FRY: variants seen among roughly 807,000 people sequenced by gnomAD.
The protein encoded by FRY is FRY microtubule binding protein, also known as protein furry homolog.
A neutral mutation model predicts 348.4 loss-of-function variants in FRY; 128 were observed. The ratio of observed to expected loss-of-function variants is 0.37; its 90% CI spans 0.32 to 0.43. The LOEUF (loss-of-function observed/expected upper bound fraction) is 0.43, where lower values mean the gene tolerates loss of function less well. Ranked by LOEUF, FRY falls within the 20% of genes least tolerant of loss-of-function variation. The pLI, the probability that FRY is intolerant of heterozygous loss-of-function variation, is 1.00. For missense variants in FRY, 2,736 were observed against 3,695.2 expected, an observed-to-expected ratio of 0.74 and a Z score of 6.73; for synonymous variants, 1,370 against 1,374.7, an observed-to-expected ratio of 1.00 and a Z score of 0.08.
chr13:32,121,244 A>G (rs1036610925), intron 4 of FRY, among the ~76,000 whole-genome samples: 2 of 152,224 alleles, frequency 1.3e-5, no homozygotes, highest in African/African-American at 4.8e-5. Flanking sequence ...ATGTGCAAGT[A>G]TCTTTTTCGA....
At chr13:32,034,168 G>A (rs933861202) in intron 1 of FRY, among the ~76,000 whole-genome samples, 18 of 152,212 alleles carry the variant, frequency 1.2e-4, no homozygotes, top group Non-Finnish European at 1.9e-4. Flanking sequence ...CAAAAGTGCA[G>A]TAATTAAAAA....
intron 22 of FRY, among the ~76,000 whole-genome samples, 154 bp from the exon 23 acceptor site, chr13:32,179,503 TTGTGTGTGTGTGTGTGTG>T (rs10628771): frequency 2.2e-5 from 3 of 137,552 alleles, no homozygotes; most frequent in Non-Finnish European, 4.7e-5. Flanking sequence ...TGTATTAAAT[TTGTGTGTGTGTGTGTGTG>T]TGTGTGTGTG....
At position 32,149,729 on chromosome 13, in the gene FRY, G is replaced by C. The variant is rs777353594; in HGVS notation, c.1393-19G>C. Reference sequence around the variant, plus strand: ...TTATATTTTAACACTTTCATTTTGTGTTCTTGTTTTTACTACAGGAACGTT... The same window carrying C: ...TTATATTTTAACACTTTCATTTTGTCTTCTTGTTTTTACTACAGGAACGTT... On this transcript the variant is annotated intron_variant, in intron 13 of 60. Transcript: ENST00000542859. 1.5e-5 allele frequency: 21 copies of C among 1,421,296 alleles called. No individual in the cohort carries two copies. Among genetic ancestry groups the C allele is most frequent in the Non-Finnish European group, 1.6e-5 (16 of 1,004,784 alleles). The allele number at this position is 1,421,296 out of a possible 1,614,324, so 88.0% of individuals were successfully genotyped here.
In FRY at chr13:32,209,125, T is replaced by C. The variant is rs768364918; in HGVS notation, c.4275+16T>C. ...GACGGCCAAGGTAAACTCAGAGGAATTGTGCTTCAAATAGCATGGCTCCAT... is the reference window on the plus strand; with the variant it reads ...GACGGCCAAGGTAAACTCAGAGGAACTGTGCTTCAAATAGCATGGCTCCAT... On this transcript the variant is annotated intron_variant, in intron 32 of 60. Coordinates refer to ENST00000542859, the MANE Select transcript of FRY (RefSeq NM_023037.3). The C allele has an allele frequency of 3.1e-6, 5 of 1,613,782 alleles. No individual in the cohort carries two copies. In the African/African-American group the frequency reaches 4.0e-5, roughly 13 times the overall value.
chr13:32,205,294 A>G lies in FRY; in HGVS notation c.4018+2767A>G, dbSNP rs935840933. Among the ~76,000 whole-genome samples, 16 of 151,876 alleles carry G rather than the reference A, an allele frequency of 1.1e-4. 1 individual carries two copies. The highest frequency in any genetic ancestry group is 1.5e-5 in the Non-Finnish European group (1 of 67,954). Reference sequence around the variant, plus strand: ...TTTAAAAAAGAAAAATGCTCAATGTATTAGACAGTAGCTGAAGGACTAATC... The same window carrying G: ...TTTAAAAAAGAAAAATGCTCAATGTGTTAGACAGTAGCTGAAGGACTAATC... On this transcript the variant is annotated intron_variant, in intron 31 of 60. Coordinates refer to ENST00000542859, the MANE Select transcript of FRY (RefSeq NM_023037.3).
At chr13:32,174,394 A>C (rs1391899959) in intron 19 of FRY, among the ~76,000 whole-genome samples, 1 of 152,236 alleles carries the variant, frequency 6.6e-6, no homozygotes, top group Non-Finnish European at 1.5e-5. Flanking sequence ...ATTATATTTT[A>C]GCAAACCTTC....
At chr13:32,112,626 A>G (rs1878044708) in intron 3 of FRY, among the ~76,000 whole-genome samples, 1 of 152,230 alleles carries the variant, frequency 6.6e-6, no homozygotes. Flanking sequence ...CGTGAATTGC[A>G]GATCATTTGC....
chr13:32,099,883 G>A (rs1288236759), intron 2 of FRY, among the ~76,000 whole-genome samples: 1 of 151,886 alleles, frequency 6.6e-6, no homozygotes, highest in African/African-American at 2.4e-5. Context: ...TAATAATTAA[G>A]GTGAATTGTT....
intron 58 of FRY, 88 bp downstream of exon 58, chr13:32,278,636 AAAG>A (rs1566191103): frequency 2.5e-6 from 2 of 805,940 alleles, no homozygotes; most frequent in Admixed American, 1.7e-5. Flanking sequence ...GAACTTGAGA[AAAG>A]AAGAGGCGGA....
Position 32,149,748 on chromosome 13 carries a change from G to A in FRY, c.1393G>A (p.Glu465Lys). 7.0e-6 allele frequency: 11 copies of A among 1,573,204 alleles called. No individual in the cohort carries two copies. The highest frequency in any genetic ancestry group is 9.6e-6 in the Non-Finnish European group (11 of 1,143,090). ...TTTTGTGTTCTTGTTTTTACTACAG[G>A]AACGTTTAGATTTTGCAATGAAAGA... is the stretch of plus-strand genomic sequence containing the variant. ...FVKIIQFIAQERLDFAMKEII... is the reference protein window; with the variant it reads ...FVKIIQFIAQKRLDFAMKEII... Residue 465 changes from glutamate to lysine, a missense_variant and splice_region_variant, in exon 14 of 61, where the codon GAA becomes AAA. Glu to Lys is a moderately conservative substitution (Grantham distance 56). Coordinates refer to ENST00000542859, the MANE Select transcript of FRY (RefSeq NM_023037.3).
chr13:32,259,332 A>G (rs1243286302), intron 51 of FRY, among the ~76,000 whole-genome samples: 2 of 152,176 alleles, frequency 1.3e-5, no homozygotes, highest in South Asian at 2.1e-4. Flanking sequence ...AACCATTTCA[A>G]CACCCTTGCT....
chr13:32,276,433 G>T, intron 56 of FRY, 31 bp from the exon 57 acceptor site: 1 of 1,121,392 alleles, frequency 8.9e-7, no homozygotes, highest in Non-Finnish European at 1.4e-6. Flanking sequence ...TATCTCTCTA[G>T]TTTTAATACC....
intron 54 of FRY, 36 bp from the exon 55 acceptor site, chr13:32,267,134 A>G (rs1887962727): frequency 6.3e-7 from 1 of 1,576,572 alleles, no homozygotes; most frequent in Non-Finnish European, 8.7e-7. Flanking sequence ...TGAGAAGGAC[A>G]TCACTTCTTG....
At chr13:32,245,383 T>C (rs1886739492) in intron 47 of FRY, among the ~76,000 whole-genome samples, 1 of 151,888 alleles carries the variant, frequency 6.6e-6, no homozygotes, top group Non-Finnish European at 1.5e-5. Context: ...GGCAAGAGGA[T>C]CGCTTGAGGC....
At chr13:32,035,366 A>G (rs1172530951) in intron 1 of FRY, among the ~76,000 whole-genome samples, 1 of 152,178 alleles carries the variant, frequency 6.6e-6, no homozygotes, top group Non-Finnish European at 1.5e-5. Flanking sequence ...CTCACTTACT[A>G]TTAAAATATC....
chr13:32,135,041 C>G (rs1236978196), intron 9 of FRY, 44 bp from the exon 10 acceptor site: 9 of 1,545,588 alleles, frequency 5.8e-6, no homozygotes, highest in Non-Finnish European at 8.1e-6. Context: ...ATCACAAAAT[C>G]AACAATTTTA....
At chr13:32,087,351 C>T (rs886368428) in intron 2 of FRY, among the ~76,000 whole-genome samples, 2 of 152,188 alleles carry the variant, frequency 1.3e-5, no homozygotes, top group Non-Finnish European at 2.9e-5. Flanking sequence ...TGTTCCTTGG[C>T]CCAGAGTCTG....
chr13:32,031,781 T>C lies in FRY; in HGVS notation c.-15T>C. The C allele has an allele frequency of 1.3e-6, 2 of 1,582,518 alleles. No individual in the cohort carries two copies. The highest frequency in any genetic ancestry group is 2.2e-5 in the South Asian group (2 of 90,228). On this transcript the variant is annotated 5_prime_UTR_variant, in exon 1 of 61. Coordinates refer to ENST00000542859, the MANE Select transcript of FRY (RefSeq NM_023037.3). Reference sequence around the variant, plus strand: ...GCCGCTGCCCGTCCTCCCAGCCTCTTTGTATGCCGCAGACATGGCCAGCCA... The same window carrying C: ...GCCGCTGCCCGTCCTCCCAGCCTCTCTGTATGCCGCAGACATGGCCAGCCA...
At chr13:32,069,832 T>C (rs1429205399) in intron 1 of FRY, among the ~76,000 whole-genome samples, 1 of 152,118 alleles carries the variant, frequency 6.6e-6, no homozygotes, top group Non-Finnish European at 1.5e-5. Flanking sequence ...TCATTTACAT[T>C]AGGTATTTCT....
Sources: gnomAD v4.1 joint callset for allele counts (sites outside exome capture counted in the v4.1 genomes callset) on GRCh38, gnomAD v4.1.1 for gene constraint, MANE v1.5 for transcripts, NCBI Gene and HGNC (gene_info 2026-07-23, HGNC 2026-07-21) for gene names.